Variants in TNFRSF9 observed in about 807,000 individuals in gnomAD.
TNFRSF9 encodes the protein TNF receptor superfamily member 9.
In TNFRSF9, 16 loss-of-function variants were observed where a neutral mutation model predicts 28.8. The observed-to-expected ratio is 0.55, with a 90% CI of 0.38 to 0.84. TNFRSF9 has a LOEUF of 0.84. Ranked by LOEUF, TNFRSF9 falls within the 40% of genes least tolerant of loss-of-function variation. The pLI is 0.00. For missense variants in TNFRSF9, 303 were observed against 315.0 expected (o/e 0.96, Z 0.29); for synonymous variants, 131 against 117.0 (o/e 1.12, Z -0.77).
intron 2 of TNFRSF9, 93 bp from the exon 3 acceptor site, chr1:7,938,921 G>T: frequency 1.2e-6 from 1 of 856,726 alleles, no homozygotes; most frequent in Non-Finnish European, 1.8e-6. Flanking sequence ...GATTATAAAA[G>T]AATGATGAGT....
intron 2 of TNFRSF9, among the ~76,000 whole-genome samples, chr1:7,939,505 G>A (rs997360009): frequency 6.6e-6 from 1 of 152,080 alleles, no homozygotes; most frequent in South Asian, 2.1e-4. Context: ...ATTTAAATGC[G>A]ACTGACCGTC....
rs1025717292 is a variant in TNFRSF9, at chr1:7,920,503, A to ATC, written c.*331_*332insGA. ...TTACCAAACAAAAAACAAAAAAGTT[A>ATC]GTCAGGTGTGGTGGCCCTTCCTTGT... On this transcript the variant is annotated 3_prime_UTR_variant, in exon 8 of 8. Coordinates refer to ENST00000377507, the MANE Select transcript of TNFRSF9 (RefSeq NM_001561.6). 3 of 208,158 alleles carry ATC rather than the reference A, an allele frequency of 1.4e-5. No individual in the cohort carries two copies. Among genetic ancestry groups the ATC allele is most frequent in the African/African-American group, 7.0e-5 (3 of 42,826 alleles). 12.9% of individuals were successfully genotyped at this position (208,158 alleles called of 1,614,324 possible).
At chr1:7,940,529 T>G (rs924869257) in intron 1 of TNFRSF9, among the ~76,000 whole-genome samples, 1 of 152,154 alleles carries the variant, frequency 6.6e-6, no homozygotes, top group Non-Finnish European at 1.5e-5. Context: ...ACTACTAACA[T>G]GTGGAAAGAC....
chr1:7,937,802 C>T (rs747945764), intron 4 of TNFRSF9, 46 bp from the exon 5 acceptor site: 7 of 1,526,014 alleles, frequency 4.6e-6, no homozygotes, highest in Non-Finnish European at 6.4e-6. Flanking sequence ...GCATTTTCAT[C>T]ATTTTGTAAC....
In TNFRSF9 at chr1:7,917,430, G is replaced by C. The variant is rs1276440043; in HGVS notation, c.*3405C>G. On this transcript the variant is annotated 3_prime_UTR_variant, in exon 8 of 8. Transcript: ENST00000377507. ...TTGATGGATGGTAGGTGAGATTGCA[G>C]ACCCGCAGGAGAAAGACGACGTATT... is the stretch of plus-strand genomic sequence containing the variant. 2 of 152,282 alleles carry C rather than the reference G, an allele frequency of 1.3e-5. No individual in the cohort carries two copies. Among genetic ancestry groups the C allele is most frequent in the African/African-American group, 4.8e-5 (2 of 41,426 alleles). 9.4% of individuals were successfully genotyped at this position (152,282 alleles called of 1,614,324 possible).
In TNFRSF9 at chr1:7,933,311, A is replaced by G; in HGVS notation, c.545-15T>C. On this transcript the variant is annotated splice_polypyrimidine_tract_variant and intron_variant, in intron 6 of 7. Transcript: ENST00000377507. ...CGGAGAGTGTCCTGCAAAACACAGC[A>G]AAAGGAGAAACGCATGCAGAAATGT... The G allele has an allele frequency of 6.2e-7, 1 of 1,609,308 alleles. No individual in the cohort carries two copies. The highest frequency in any genetic ancestry group is 8.5e-7 in the Non-Finnish European group (1 of 1,178,006).
chr1:7,920,662 A>T lies in TNFRSF9; in HGVS notation c.*173T>A. 1 of 577,198 alleles carries T rather than the reference A, an allele frequency of 1.7e-6. No homozygotes were observed. The highest frequency in any genetic ancestry group is 3.1e-6 in the Non-Finnish European group (1 of 323,710). The allele number at this position is 577,198 out of a possible 1,614,324, so 35.8% of individuals were successfully genotyped here. On this transcript the variant is annotated 3_prime_UTR_variant, in exon 8 of 8. Coordinates refer to ENST00000377507, the MANE Select transcript of TNFRSF9 (RefSeq NM_001561.6). ...TGAGACCCTGTCAAAAAAAAAAAAAAAGTGGTGCATTTTTAAAGGCCAACT... is the reference window on the plus strand; with the variant it reads ...TGAGACCCTGTCAAAAAAAAAAAAATAGTGGTGCATTTTTAAAGGCCAACT...
intron 7 of TNFRSF9, among the ~76,000 whole-genome samples, chr1:7,925,813 G>A (rs544569975): frequency 1.3e-5 from 2 of 152,258 alleles, no homozygotes; most frequent in Non-Finnish European, 2.9e-5. Context: ...TGATCTGATG[G>A]GAGATGGAGA....
At position 7,920,863 on chromosome 1, in the gene TNFRSF9, T is replaced by G. The variant is rs759184548; in HGVS notation, c.740A>C (p.Glu247Ala). ...CAGTTCACATCCTCCTTCTTCTTCTTCTGGAAATCGGCAGCTACAGCCATC... is the reference window on the plus strand; with the variant it reads ...CAGTTCACATCCTCCTTCTTCTTCTGCTGGAAATCGGCAGCTACAGCCATC... ...EEDGCSCRFP[E>A]EEEGGCEL Residue 247 changes from glutamate to alanine, a missense_variant, in exon 8 of 8, where the codon GAA becomes GCA. Coordinates refer to ENST00000377507, the MANE Select transcript of TNFRSF9 (RefSeq NM_001561.6). 1 of 1,613,888 alleles carries G rather than the reference T, an allele frequency of 6.2e-7. No homozygotes were observed. The highest frequency in any genetic ancestry group is 8.5e-7 in the Non-Finnish European group (1 of 1,179,966).
At chr1:7,939,451 T>C (rs1471796004) in intron 2 of TNFRSF9, among the ~76,000 whole-genome samples, 1 of 152,038 alleles carries the variant, frequency 6.6e-6, no homozygotes, top group East Asian at 1.9e-4. Flanking sequence ...ATGTAGGAGA[T>C]GAATATGACT....
chr1:7,934,941 T>C, intron 6 of TNFRSF9, 72 bp downstream of exon 6: 2 of 1,581,602 alleles, frequency 1.3e-6, no homozygotes, highest in Non-Finnish European at 1.7e-6. Context: ...TATCATGATA[T>C]TGGGGCAATT....
Position 7,938,218 on chromosome 1 carries a change from T to C in TNFRSF9, c.321A>G (p.Lys107=). ...AGCSMCEQDC[K]QGQELTKKGC... is the part of the protein sequence containing the mutation. ...CTTTTTTTGTCAGTTCTTGACCTTG[T>C]TTACAATCCTGTTCACACATGCTGC... Residue 107 remains lysine, a synonymous_variant, in exon 4 of 8, where the codon AAA becomes AAG. Coordinates refer to ENST00000377507, the MANE Select transcript of TNFRSF9 (RefSeq NM_001561.6). The C allele has an allele frequency of 1.3e-6, 2 of 1,599,358 alleles. No homozygotes were observed. The highest frequency in any genetic ancestry group is 1.7e-6 in the Non-Finnish European group (2 of 1,173,340).
chr1:7,938,144 G>T, intron 4 of TNFRSF9, 49 bp downstream of exon 4: 1 of 1,476,890 alleles, frequency 6.8e-7, no homozygotes, highest in South Asian at 1.4e-5. Context: ...TCAAAGCTAA[G>T]TTTGTCTATG....
At chr1:7,926,193 G>A (rs1639648219) in intron 7 of TNFRSF9, among the ~76,000 whole-genome samples, 1 of 152,084 alleles carries the variant, frequency 6.6e-6, no homozygotes, top group Admixed American at 6.6e-5. Context: ...GAGCCACTGC[G>A]CCTGGCAAAG....
intron 7 of TNFRSF9, among the ~76,000 whole-genome samples, chr1:7,930,381 G>A (rs1367137014): frequency 1.3e-5 from 2 of 152,148 alleles, no homozygotes; most frequent in African/African-American, 4.8e-5. Context: ...ATGGATTACA[G>A]TTCCATTGAA....
intron 7 of TNFRSF9, among the ~76,000 whole-genome samples, chr1:7,927,513 A>G (rs1639671853): frequency 6.6e-6 from 1 of 152,014 alleles, no homozygotes; most frequent in African/African-American, 2.4e-5. Flanking sequence ...GTTCAGTCCA[A>G]TAGGTCCACA....
chr1:7,933,123 T>C (rs1639758539), intron 7 of TNFRSF9, 39 bp downstream of exon 7: 1 of 1,556,414 alleles, frequency 6.4e-7, no homozygotes, highest in East Asian at 2.3e-5. Flanking sequence ...TAAAAAGCCT[T>C]GCCTTGCCAG....
intron 7 of TNFRSF9, among the ~76,000 whole-genome samples, chr1:7,923,723 A>C (rs1464159428): frequency 6.6e-6 from 1 of 152,110 alleles, no homozygotes; most frequent in Non-Finnish European, 1.5e-5. Context: ...CTGTAGTCTC[A>C]GCTACTCTGG....
chr1:7,938,516 C>T (rs1412324936), intron 3 of TNFRSF9, among the ~76,000 whole-genome samples, 186 bp from the exon 4 acceptor site: 1 of 152,196 alleles, frequency 6.6e-6, no homozygotes, highest in Admixed American at 6.5e-5. Flanking sequence ...TCTCTCTTGT[C>T]AAATGAATGT....
Sources: allele counts gnomAD v4.1 joint callset (sites outside exome capture counted in the v4.1 genomes callset), GRCh38; gene constraint gnomAD v4.1.1; transcripts MANE v1.5; gene names NCBI Gene and HGNC (gene_info 2026-07-23, HGNC 2026-07-21).